Variants in ASAP1 observed in about 807,000 individuals in gnomAD.
ASAP1 encodes the protein ArfGAP with SH3 domain, ankyrin repeat and PH domain 1.
ASAP1 carries 43 observed loss-of-function variants against 145.2 expected under a neutral mutation model. That is an observed-to-expected ratio of 0.30 (90% confidence interval 0.23 to 0.38). The LOEUF (loss-of-function observed/expected upper bound fraction) is 0.38. Ranked by LOEUF, ASAP1 falls within the 10% of genes least tolerant of loss-of-function variation. ASAP1 has a pLI of 1.00. For missense variants in ASAP1, 1,018 were observed against 1,355.3 expected (o/e 0.75, Z 3.91); for synonymous variants, 546 against 515.5 (o/e 1.06, Z -0.80).
intron 24 of ASAP1, among the ~76,000 whole-genome samples, chr8:130,103,504 A>T (rs2097532213): frequency 6.7e-6 from 1 of 149,978 alleles, no homozygotes; most frequent in Non-Finnish European, 1.5e-5. Context: ...TGACATTTTT[A>T]TTTTTTTATT....
At chr8:130,086,287 T>C (rs1382355880) in intron 25 of ASAP1, among the ~76,000 whole-genome samples, 1 of 152,202 alleles carries the variant, frequency 6.6e-6, no homozygotes, top group Non-Finnish European at 1.5e-5. Context: ...TCACTTAACC[T>C]TTCTGCGCCC....
In ASAP1 at chr8:130,058,002, G is replaced by A. The variant is rs1047533336; in HGVS notation, c.3267C>T (p.Ile1089=). The change falls in exon 29 of 30, where the codon ATC becomes ATT. Residue 1089 remains isoleucine (I), a synonymous_variant. Transcript: ENST00000518721. ...CTGTGACGATAATCACTTCTCCCTC[G>A]ATGAATGTGAGCTCGTCATCGTTGT... ...QADNDDELTF[I]EGEVIIVTGE... is the part of the protein sequence containing the mutation. 10 of 1,614,218 alleles carry A rather than the reference G, an allele frequency of 6.2e-6. No homozygotes were observed. The highest frequency in any genetic ancestry group is 8.5e-6 in the Non-Finnish European group (10 of 1,180,036).
chr8:130,169,897 A>G (rs1047559688), intron 9 of ASAP1, among the ~76,000 whole-genome samples: 6 of 152,192 alleles, frequency 3.9e-5, no homozygotes, highest in African/African-American at 1.4e-4. Flanking sequence ...TTTACCAGCA[A>G]GTGAAGATTT....
chr8:130,251,235 T>G (rs192890380), intron 3 of ASAP1, among the ~76,000 whole-genome samples: 1 of 152,000 alleles, frequency 6.6e-6, no homozygotes, highest in African/African-American at 2.4e-5. Context: ...CTGGCCAACA[T>G]AGCGAAACCG....
intron 3 of ASAP1, among the ~76,000 whole-genome samples, chr8:130,237,783 C>T (rs1818301368): frequency 6.6e-6 from 1 of 151,994 alleles, no homozygotes; most frequent in South Asian, 2.1e-4. Flanking sequence ...ATGTGTATCA[C>T]ACTCCAAAAA....
intron 3 of ASAP1, among the ~76,000 whole-genome samples, chr8:130,263,717 G>T (rs953799024): frequency 1.3e-5 from 2 of 152,198 alleles, no homozygotes; most frequent in Non-Finnish European, 2.9e-5. Context: ...ATCAAGCTCA[G>T]CAATGTCTTG....
chr8:130,305,741 G>A (rs1248633705), intron 3 of ASAP1, among the ~76,000 whole-genome samples: 1 of 152,064 alleles, frequency 6.6e-6, no homozygotes, highest in Non-Finnish European at 1.5e-5. Context: ...CTAAAGACCA[G>A]ATCAGTTACA....
At chr8:130,107,046 A>G (rs1564965016) in intron 24 of ASAP1, among the ~76,000 whole-genome samples, 2 of 152,208 alleles carry the variant, frequency 1.3e-5, no homozygotes, top group Admixed American at 6.5e-5. Context: ...ATGCTCTCTA[A>G]GCAAGGTAGA....
intron 3 of ASAP1, among the ~76,000 whole-genome samples, chr8:130,299,537 A>C (rs1208058243): frequency 6.6e-6 from 1 of 152,212 alleles, no homozygotes; most frequent in Admixed American, 6.5e-5. Flanking sequence ...GCAGGCTGTC[A>C]GCTAGGAAAC....
chr8:130,061,655 C>T (rs972621262), intron 27 of ASAP1, among the ~76,000 whole-genome samples: 25 of 152,078 alleles, frequency 1.6e-4, no homozygotes, highest in African/African-American at 5.8e-4. Flanking sequence ...ACTTTGTGCC[C>T]CTGTCTCGGG....
intron 14 of ASAP1, among the ~76,000 whole-genome samples, chr8:130,136,743 T>C (rs2097595725): frequency 6.6e-6 from 1 of 152,214 alleles, no homozygotes; most frequent in Admixed American, 6.5e-5. Flanking sequence ...GCTGGTCAGA[T>C]CTGACACTGC....
intron 3 of ASAP1, among the ~76,000 whole-genome samples, chr8:130,281,185 G>A (rs926911174): frequency 2.0e-5 from 3 of 152,054 alleles, no homozygotes; most frequent in Non-Finnish European, 4.4e-5. Context: ...CTGTAAAACT[G>A]GAAATGATAT....
intron 3 of ASAP1, among the ~76,000 whole-genome samples, chr8:130,350,594 T>A (rs1034632035): frequency 6.6e-6 from 1 of 152,186 alleles, no homozygotes; most frequent in Non-Finnish European, 1.5e-5. Flanking sequence ...TCAAACACAT[T>A]TGGCATGAGA....
At chr8:130,056,519 CAATCAATATT>C (rs903893123) in intron 29 of ASAP1, among the ~76,000 whole-genome samples, 4 of 152,182 alleles carry the variant, frequency 2.6e-5, no homozygotes, top group Non-Finnish European at 4.4e-5. Context: ...TAGGTCCTGA[CAATCAATATT>C]TCCAGATATT....
chr8:130,270,030 C>T (rs1405791159), intron 3 of ASAP1, among the ~76,000 whole-genome samples: 1 of 152,166 alleles, frequency 6.6e-6, no homozygotes, highest in Admixed American at 6.5e-5. Flanking sequence ...ATTAGCCAGG[C>T]GTGGTGGCCC....
At chr8:130,107,394 C>A (rs1336962704) in intron 24 of ASAP1, among the ~76,000 whole-genome samples, 1 of 151,558 alleles carries the variant, frequency 6.6e-6, no homozygotes, top group African/African-American at 2.4e-5. Flanking sequence ...ACCATGTTAG[C>A]CAGGATGGTC....
intron 24 of ASAP1, among the ~76,000 whole-genome samples, chr8:130,103,685 T>C (rs963875975): frequency 2.6e-5 from 4 of 152,144 alleles, no homozygotes; most frequent in Non-Finnish European, 5.9e-5. Flanking sequence ...GTATTTTTAG[T>C]AGAGATGGGG....
intron 11 of ASAP1, chr8:130,160,736 T>G (rs1445727959): frequency 1.7e-6 from 2 of 1,189,810 alleles, no homozygotes; most frequent in South Asian, 2.7e-5. Context: ...AACATGGTCT[T>G]TAGACATACA....
intron 3 of ASAP1, among the ~76,000 whole-genome samples, chr8:130,349,761 G>A (rs981835125): frequency 3.9e-5 from 6 of 152,174 alleles, no homozygotes; most frequent in Non-Finnish European, 7.4e-5. Context: ...GACACCCATA[G>A]GGACATACTT....
Sources: allele counts gnomAD v4.1 joint callset (sites outside exome capture counted in the v4.1 genomes callset), GRCh38; gene constraint gnomAD v4.1.1; transcripts MANE v1.5; gene names NCBI Gene and HGNC (gene_info 2026-07-23, HGNC 2026-07-21).